The following DAB1 variants were observed in gnomAD, a reference collection of about 807,000 sequenced individuals.
DAB1 encodes the protein DAB adaptor protein 1.
Under a neutral mutation model 64.6 loss-of-function variants are expected in DAB1, and 15 were observed. The observed-to-expected ratio is 0.23, with a 90% CI of 0.16 to 0.36. The LOEUF (loss-of-function observed/expected upper bound fraction) is 0.36. Ranked by LOEUF, DAB1 falls within the 10% of genes least tolerant of loss-of-function variation. The pLI, the probability that DAB1 is intolerant of heterozygous loss-of-function variation, is 1.00. For synonymous variants in DAB1, 235 were observed against 251.9 expected (o/e 0.93, Z 0.64); for missense variants, 596 against 706.7 (o/e 0.84, Z 1.78).
chr1:57,696,975 T>C (rs184680657), intron 6 of DAB1, among the ~76,000 whole-genome samples: 1 of 152,324 alleles, frequency 6.6e-6, no homozygotes, highest in African/African-American at 2.4e-5. Context: ...AGGAAGTTTC[T>C]GCTTACATTT....
chr1:58,049,505 T>C (rs749063104), intron 5 of DAB1, among the ~76,000 whole-genome samples: 8 of 152,218 alleles, frequency 5.3e-5, no homozygotes, highest in Non-Finnish European at 1.2e-4. Flanking sequence ...TAAATTATAA[T>C]TCTTTCCAAA....
chr1:57,946,910 A>G (rs183536462), intron 5 of DAB1, among the ~76,000 whole-genome samples: 8 of 152,352 alleles, frequency 5.3e-5, no homozygotes, highest in African/African-American at 1.9e-4. Flanking sequence ...CAGCATTTAC[A>G]TGCAGAGAAA....
At chr1:57,050,510 G>A (rs766152105) in intron 9 of DAB1, among the ~76,000 whole-genome samples, 1 of 152,132 alleles carries the variant, frequency 6.6e-6, no homozygotes, top group Non-Finnish European at 1.5e-5. Flanking sequence ...GACATGACAG[G>A]CTCTTCTACA....
At chr1:57,783,520 AT>A (rs922188335) in intron 6 of DAB1, among the ~76,000 whole-genome samples, 1 of 152,064 alleles carries the variant, frequency 6.6e-6, no homozygotes, top group Non-Finnish European at 1.5e-5. Flanking sequence ...TAGGTATTTT[AT>A]TTTTAAAATA....
intron 6 of DAB1, among the ~76,000 whole-genome samples, chr1:57,674,576 T>A (rs1646544315): frequency 6.6e-6 from 1 of 152,188 alleles, no homozygotes; most frequent in Admixed American, 6.5e-5. Flanking sequence ...GTAGAAGCCA[T>A]GAGTTCTCTG....
chr1:57,447,390 G>A (rs1686180997), intron 7 of DAB1, among the ~76,000 whole-genome samples: 1 of 152,150 alleles, frequency 6.6e-6, no homozygotes, highest in African/African-American at 2.4e-5. Flanking sequence ...AACTTCTAAA[G>A]AGAGAGATCC....
chr1:58,333,129 C>T (rs1017628014), intron 4 of DAB1, among the ~76,000 whole-genome samples: 4 of 152,046 alleles, frequency 2.6e-5, no homozygotes, highest in African/African-American at 9.7e-5. Context: ...AGGCTGGTCT[C>T]GAACTCCAGA....
chr1:57,732,930 A>G (rs141592005), intron 6 of DAB1, among the ~76,000 whole-genome samples: 388 of 151,270 alleles, frequency 2.6e-3, no homozygotes, highest in African/African-American at 9.4e-3. Flanking sequence ...GAAATTCATA[A>G]TAAGTTTTAA....
chr1:58,326,442 G>A (rs1292108706), intron 4 of DAB1, among the ~76,000 whole-genome samples: 8 of 152,190 alleles, frequency 5.3e-5, no homozygotes, highest in African/African-American at 1.4e-4. Flanking sequence ...AACCCCCATC[G>A]TGCAGGAGGA....
chr1:57,949,283 G>A (rs1645231007), intron 5 of DAB1, among the ~76,000 whole-genome samples: 1 of 152,112 alleles, frequency 6.6e-6, no homozygotes, highest in South Asian at 2.1e-4. Context: ...TTCACAATAG[G>A]GTTTGTGCTC....
chr1:58,388,055 C>A (rs1022327222), intron 3 of DAB1, among the ~76,000 whole-genome samples: 6 of 152,150 alleles, frequency 3.9e-5, no homozygotes, highest in African/African-American at 1.4e-4. Context: ...AATTACATTT[C>A]TTTTAGAAAG....
chr1:57,768,407 G>A (rs1004711058), intron 6 of DAB1, among the ~76,000 whole-genome samples: 4 of 151,672 alleles, frequency 2.6e-5, no homozygotes, highest in Non-Finnish European at 4.4e-5. Context: ...TATACGGTAA[G>A]TACTTAAGTG....
At chr1:57,570,473 A>G (rs1645181040) in intron 7 of DAB1, among the ~76,000 whole-genome samples, 1 of 151,972 alleles carries the variant, frequency 6.6e-6, no homozygotes, top group Non-Finnish European at 1.5e-5. Context: ...TTTGTTGAAG[A>G]TTAGTTGACT....
intron 3 of DAB1, among the ~76,000 whole-genome samples, chr1:58,438,823 C>G (rs1263043004): frequency 1.3e-5 from 2 of 152,244 alleles, no homozygotes; most frequent in Admixed American, 6.5e-5. Flanking sequence ...CACCCTCTAA[C>G]TTGGCTTCTT....
chr1:57,063,522 G>C (rs1157028344), intron 8 of DAB1, among the ~76,000 whole-genome samples: 4 of 152,154 alleles, frequency 2.6e-5, no homozygotes, highest in Non-Finnish European at 4.4e-5. Flanking sequence ...AGAAGATCTT[G>C]AGGGCGTTTA....
chr1:57,962,882 A>C (rs906352257), intron 5 of DAB1, among the ~76,000 whole-genome samples: 3 of 151,938 alleles, frequency 2.0e-5, no homozygotes, highest in Non-Finnish European at 4.4e-5. Flanking sequence ...TCAAAAAAAA[A>C]ACAAAACAAA....
At position 57,659,372 on chromosome 1, in the gene DAB1, C is replaced by A. The variant is rs189776000; in HGVS notation, n.552-9707G>T. 7.2e-5 allele frequency among the ~76,000 whole-genome samples: 11 copies of A among 152,318 alleles called. No homozygotes were observed. The East Asian group carries it at 1.9e-3, about 27-fold the overall frequency. Reference sequence around the variant, plus strand: ...CTGGAAATAAAAGTACTTCTCAGGTCATTGCATTAAACACAGATATTACAT... The same window carrying A: ...CTGGAAATAAAAGTACTTCTCAGGTAATTGCATTAAACACAGATATTACAT... On this transcript the variant is annotated intron_variant and non_coding_transcript_variant, in intron 6 of 20. Coordinates refer to the DAB1 transcript ENST00000485760.
intron 2 of DAB1, among the ~76,000 whole-genome samples, chr1:57,255,089 A>C (rs996088816): frequency 2.0e-5 from 3 of 152,222 alleles, no homozygotes; most frequent in African/African-American, 7.2e-5. Flanking sequence ...TCATGAATGG[A>C]TAAATGAAAT....
intron 5 of DAB1, among the ~76,000 whole-genome samples, chr1:57,900,050 C>T (rs960914039): frequency 2.0e-5 from 3 of 152,020 alleles, no homozygotes; most frequent in Non-Finnish European, 4.4e-5. Context: ...GCTGTCCTCC[C>T]ATTTCGGCCT....
Sources: gnomAD v4.1 joint callset for allele counts (sites outside exome capture counted in the v4.1 genomes callset) on GRCh38, gnomAD v4.1.1 for gene constraint, MANE v1.5 for transcripts, NCBI Gene and HGNC (gene_info 2026-07-23, HGNC 2026-07-21) for gene names.